NEMP2: variants seen among roughly 807,000 people sequenced by gnomAD.
NEMP2 encodes nuclear envelope integral membrane protein 2, also known as UPF0571 transmembrane protein.
In NEMP2, 53 loss-of-function variants were observed where a neutral mutation model predicts 54.2. The observed-to-expected ratio is 0.98, with a 90% CI of 0.78 to 1.23. The LOEUF (loss-of-function observed/expected upper bound fraction) is 1.23, where lower values mean the gene tolerates loss of function less well. Among genes scored for constraint, NEMP2 ranks in the 50% most tolerant of loss-of-function variants. The pLI, the probability that NEMP2 is intolerant of heterozygous loss-of-function variation, is 0.00. For synonymous variants in NEMP2, 197 were observed against 190.3 expected (o/e 1.04, Z -0.29); for missense variants, 455 against 511.3 (o/e 0.89, Z 1.06).
At position 190,530,777 on chromosome 2, in the gene NEMP2, G is replaced by A. The variant is rs944258248; in HGVS notation, c.97+3782C>T. On this transcript the variant is annotated intron_variant, in intron 1 of 8. Coordinates refer to ENST00000409150, the MANE Select transcript of NEMP2 (RefSeq NM_001142645.2). This position sits in a 1 kb window ranked among gnomAD's most constrained non-coding sequence, Gnocchi z 4.6. Reference sequence around the variant, plus strand: ...GCTATGAAGCTGCCTGCATGTCTGCGGGTTTCATTTATTCATGAGGCCCCA... The same window carrying A: ...GCTATGAAGCTGCCTGCATGTCTGCAGGTTTCATTTATTCATGAGGCCCCA... Among the ~76,000 whole-genome samples, 4 of 152,160 alleles carry A rather than the reference G, an allele frequency of 2.6e-5. No individual in the cohort carries two copies. The highest frequency in any genetic ancestry group is 4.1e-4 in the South Asian group (2 of 4,834).
chr2:190,634,527 G>A, the NEMP2 span, among the ~76,000 whole-genome samples: 1,400 of 152,222 alleles, frequency 9.2e-3, 21 homozygotes, highest in African/African-American at 0.031. This position sits in a 1 kb window ranked among gnomAD's most constrained non-coding sequence, Gnocchi z 6.8. Flanking sequence ...GTGCATTTGC[G>A]TAATGAACAT....
rs1033091838 is a variant in NEMP2, at chr2:190,527,489, T to G, written c.98-2111A>C. ...TACACAAGGACCCAACGTATTCAAC[T>G]GTGACAGTCAAATCAGTCATCTTTA... On this transcript the variant is annotated intron_variant, in intron 1 of 8. Coordinates refer to ENST00000409150, the MANE Select transcript of NEMP2 (RefSeq NM_001142645.2). The surrounding 1 kb of genome is among the most constrained non-coding windows in gnomAD (Gnocchi z 4.0). 6.6e-6 allele frequency among the ~76,000 whole-genome samples: 1 copy of G among 152,212 alleles called. No homozygotes were observed. The highest frequency in any genetic ancestry group is 1.5e-5 in the Non-Finnish European group (1 of 68,032).
At chr2:190,555,746 C>A in the NEMP2 span, among the ~76,000 whole-genome samples, 8 of 152,226 alleles carry the variant, frequency 5.3e-5, no homozygotes, top group Admixed American at 2.6e-4. This position sits in a 1 kb window ranked among gnomAD's most constrained non-coding sequence, Gnocchi z 4.8. Flanking sequence ...AAACACTCTT[C>A]AGGATATTAT....
the NEMP2 span, among the ~76,000 whole-genome samples, chr2:190,487,961 G>A: frequency 6.6e-6 from 1 of 152,204 alleles, no homozygotes; most frequent in East Asian, 1.9e-4. This position sits in a 1 kb window ranked among gnomAD's most constrained non-coding sequence, Gnocchi z 5.5. Flanking sequence ...GGAGTGCAGT[G>A]GCGTGATCTT....
chr2:190,528,430 ACTG>A lies in NEMP2; in HGVS notation c.98-3055_98-3053del, dbSNP rs1691023697. Among the ~76,000 whole-genome samples, 1 of 152,120 alleles carries A rather than the reference ACTG, an allele frequency of 6.6e-6. No individual in the cohort carries two copies. The highest frequency in any genetic ancestry group is 2.1e-4 in the South Asian group (1 of 4,822). ...GCATGGCTAGAGTTAATAACTTTAT[ACTG>A]GGAGTCCTCAAACAAAAGTGATTCC... On this transcript the variant is annotated intron_variant, in intron 1 of 8. Coordinates refer to ENST00000409150, the MANE Select transcript of NEMP2 (RefSeq NM_001142645.2). The surrounding 1 kb of genome is among the most constrained non-coding windows in gnomAD (Gnocchi z 4.3).
At chr2:190,479,159 C>A in the NEMP2 span, among the ~76,000 whole-genome samples, 1 of 152,098 alleles carries the variant, frequency 6.6e-6, no homozygotes, top group African/African-American at 2.4e-5. Flanking sequence ...GCTATTCAAG[C>A]CTTTATTGGG....
chr2:190,534,362 G>A (rs1691280743), intron 1 of NEMP2, 197 bp downstream of exon 1: 2 of 1,205,182 alleles, frequency 1.7e-6, no homozygotes, highest in Non-Finnish European at 2.1e-6. Flanking sequence ...CCAACTGCCA[G>A]GCGAGAGACT....
the NEMP2 span, among the ~76,000 whole-genome samples, chr2:190,431,110 C>T: frequency 3.0e-4 from 43 of 143,894 alleles, no homozygotes; most frequent in Admixed American, 1.5e-3. This position sits in a 1 kb window ranked among gnomAD's most constrained non-coding sequence, Gnocchi z 4.4. Flanking sequence ...CCAGACAGGG[C>T]GGCGGGGCAG....
At chr2:190,470,584 G>A in the NEMP2 span, among the ~76,000 whole-genome samples, 9 of 152,206 alleles carry the variant, frequency 5.9e-5, no homozygotes, top group Non-Finnish European at 1.3e-4. Flanking sequence ...GGAGTTGAGT[G>A]ACGGTCCAGG....
At chr2:190,554,831 G>A in the NEMP2 span, among the ~76,000 whole-genome samples, 6 of 152,240 alleles carry the variant, frequency 3.9e-5, no homozygotes, top group African/African-American at 1.4e-4. This position sits in a 1 kb window ranked among gnomAD's most constrained non-coding sequence, Gnocchi z 5.7. Flanking sequence ...GCCTCCTCAA[G>A]TGGGTCCCTG....
At chr2:190,497,582 G>C in the NEMP2 span, 1 of 1,614,038 alleles carries the variant, frequency 6.2e-7, no homozygotes, top group Admixed American at 1.7e-5. This position sits in a 1 kb window ranked among gnomAD's most constrained non-coding sequence, Gnocchi z 5.2. Flanking sequence ...GCACCAGGAA[G>C]AACAGGAAGA....
At chr2:190,646,435 GA>G in the NEMP2 span, among the ~76,000 whole-genome samples, 1 of 152,208 alleles carries the variant, frequency 6.6e-6, no homozygotes, top group Non-Finnish European at 1.5e-5. Flanking sequence ...TCCATCGTCT[GA>G]CTTGACTCAG....
chr2:190,645,293 C>A, the NEMP2 span, among the ~76,000 whole-genome samples: 2 of 152,088 alleles, frequency 1.3e-5, no homozygotes, highest in African/African-American at 4.8e-5. Flanking sequence ...ATACCACTTT[C>A]CAAATGGTGT....
chr2:190,643,023 G>T, the NEMP2 span, among the ~76,000 whole-genome samples: 3 of 79,564 alleles, frequency 3.8e-5, no homozygotes, highest in African/African-American at 1.5e-4. Flanking sequence ...AATGGTTAAG[G>T]TTTTTTTTTT....
At chr2:190,487,284 T>C in the NEMP2 span, among the ~76,000 whole-genome samples, 1 of 152,312 alleles carries the variant, frequency 6.6e-6, no homozygotes, top group East Asian at 1.9e-4. This position sits in a 1 kb window ranked among gnomAD's most constrained non-coding sequence, Gnocchi z 5.5. Context: ...GAGGTTGCAG[T>C]GAGCTGAGGT....
At chr2:190,562,767 C>T in the NEMP2 span, among the ~76,000 whole-genome samples, 6 of 152,028 alleles carry the variant, frequency 3.9e-5, no homozygotes, top group East Asian at 3.9e-4. The surrounding 1 kb of genome is among the most constrained non-coding windows in gnomAD (Gnocchi z 5.0). Flanking sequence ...TAAATGCCAT[C>T]GACTAACACA....
At chr2:190,448,703 A>G in the NEMP2 span, among the ~76,000 whole-genome samples, 1 of 152,216 alleles carries the variant, frequency 6.6e-6, no homozygotes, top group Non-Finnish European at 1.5e-5. Context: ...CAGTTGCCCT[A>G]GCTTTCTGGA....
the NEMP2 span, chr2:190,454,086 A>G: frequency 6.6e-6 from 1 of 152,192 alleles, no homozygotes; most frequent in African/African-American, 2.4e-5. The surrounding 1 kb of genome is among the most constrained non-coding windows in gnomAD (Gnocchi z 4.6). Context: ...TAGGCCTCGC[A>G]ATTTATAGTT....
At chr2:190,446,628 A>C in the NEMP2 span, among the ~76,000 whole-genome samples, 1 of 152,314 alleles carries the variant, frequency 6.6e-6, no homozygotes, top group East Asian at 1.9e-4. Context: ...ACATTCATTT[A>C]TAAAGAAGCT....
Sources: gnomAD v4.1 joint callset for allele counts (sites outside exome capture counted in the v4.1 genomes callset) on GRCh38, gnomAD v4.1.1 for gene constraint, Gnocchi (gnomAD v3.1) non-coding constraint, MANE v1.5 for transcripts, NCBI Gene and HGNC (gene_info 2026-07-23, HGNC 2026-07-21) for gene names.